The following ZNF710 variants were observed in gnomAD, a reference collection of about 807,000 sequenced individuals.
ZNF710 encodes zinc finger protein 710.
Under a neutral mutation model 50.6 loss-of-function variants are expected in ZNF710, and 13 were observed. The ratio of observed to expected loss-of-function variants is 0.26; its 90% confidence interval spans 0.17 to 0.41. The LOEUF (loss-of-function observed/expected upper bound fraction) is 0.41, where lower values mean the gene tolerates loss of function less well. Among genes scored for constraint, ZNF710 ranks in the 10% least tolerant of loss-of-function variants. The pLI is 1.00. For synonymous variants in ZNF710, 383 were observed against 397.0 expected (o/e 0.96, Z 0.42); for missense variants, 721 against 936.6 (o/e 0.77, Z 3.01).
intron 1 of ZNF710, among the ~76,000 whole-genome samples, chr15:90,012,475 T>C (rs1254553118): frequency 6.6e-6 from 1 of 151,930 alleles, no homozygotes; most frequent in Admixed American, 6.6e-5. Context: ...TTTCACCGTG[T>C]TAGCCAGGAT....
At chr15:90,032,848 G>A (rs1216937371) in intron 1 of ZNF710, among the ~76,000 whole-genome samples, 1 of 151,374 alleles carries the variant, frequency 6.6e-6, no homozygotes, top group East Asian at 1.9e-4. Context: ...AAAGCAAGAG[G>A]ATTCCTTGAG....
intron 1 of ZNF710, among the ~76,000 whole-genome samples, chr15:90,045,807 G>T (rs1899441769): frequency 6.6e-6 from 1 of 152,296 alleles, no homozygotes; most frequent in Non-Finnish European, 1.5e-5. Context: ...GCGGGCTGTG[G>T]TGCATGAAAG....
chr15:90,046,865 C>A (rs1210329041), intron 1 of ZNF710, among the ~76,000 whole-genome samples: 1 of 152,070 alleles, frequency 6.6e-6, no homozygotes, highest in Non-Finnish European at 1.5e-5. Flanking sequence ...GATTTATGCT[C>A]CAGGAAAGGG....
intron 3 of ZNF710, among the ~76,000 whole-genome samples, chr15:90,073,826 TA>T (rs1023897508): frequency 6.6e-6 from 1 of 151,688 alleles, no homozygotes; most frequent in African/African-American, 2.4e-5. Context: ...CCTTCTCTAC[TA>T]AACATACAAA....
chr15:90,050,054 C>T (rs1377805074), intron 1 of ZNF710, among the ~76,000 whole-genome samples: 2 of 152,216 alleles, frequency 1.3e-5, no homozygotes, highest in Admixed American at 6.5e-5. Flanking sequence ...TGTGGACGGC[C>T]GCATGTGTCT....
Position 90,067,333 on chromosome 15 carries a change from G to A in ZNF710, c.196G>A (p.Val66Ile), listed in dbSNP as rs368259764. The change falls in exon 2 of 5, where the codon GTC becomes ATC. Residue 66 changes from valine to isoleucine, a missense_variant. By Grantham distance (29) the Val-to-Ile change is conservative. Around this residue, in one of 3 missense-constraint regions of ZNF710, gnomAD observed 326 missense variants for 347.1 expected, o/e 0.94. Coordinates refer to ENST00000268154, the MANE Select transcript of ZNF710 (RefSeq NM_198526.4). This position sits in a 1 kb window ranked among gnomAD's most constrained non-coding sequence, Gnocchi z 8.1. ...AGAGCCCGAGCCACCAGGCCCCGACGTCTACCAGCTGGCCTGCAACGGGAG... is the reference window on the plus strand; with the variant it reads ...AGAGCCCGAGCCACCAGGCCCCGACATCTACCAGCTGGCCTGCAACGGGAG... ...MGEPEPPGPDVYQLACNGRAL... is the reference protein window; with the variant it reads ...MGEPEPPGPDIYQLACNGRAL... 20 of 1,603,508 alleles carry A rather than the reference G, an allele frequency of 1.2e-5. No individual in the cohort carries two copies. The highest frequency in any genetic ancestry group is 6.7e-5 in the African/African-American group (5 of 74,848).
chr15:90,043,191 G>A (rs983548888), intron 1 of ZNF710, among the ~76,000 whole-genome samples: 9 of 152,248 alleles, frequency 5.9e-5, no homozygotes, highest in Admixed American at 1.3e-4. Flanking sequence ...GAGTTGCCAC[G>A]GCTTTCACCT....
At chr15:90,048,417 G>A (rs186370687) in intron 1 of ZNF710, among the ~76,000 whole-genome samples, 14 of 152,376 alleles carry the variant, frequency 9.2e-5, no homozygotes, top group African/African-American at 3.4e-4. Flanking sequence ...CCAGGACGAA[G>A]CCCTGGCATC....
chr15:90,053,388 A>C, intron 1 of ZNF710, among the ~76,000 whole-genome samples: 2 of 145,216 alleles, frequency 1.4e-5, no homozygotes, highest in African/African-American at 5.3e-5. Context: ...TCACTCTGTC[A>C]CCCGGGCTGG....
intron 1 of ZNF710, among the ~76,000 whole-genome samples, chr15:90,017,179 T>A (rs1255493958): frequency 6.6e-6 from 1 of 152,208 alleles, no homozygotes; most frequent in African/African-American, 2.4e-5. Context: ...AATAACTTTT[T>A]AAAAATATTT....
intron 1 of ZNF710, among the ~76,000 whole-genome samples, chr15:90,047,590 CTTTT>C (rs11452913): frequency 7.1e-6 from 1 of 140,904 alleles, no homozygotes. Context: ...TTTCTTTTTT[CTTTT>C]TTTTTTTTTG....
intron 1 of ZNF710, among the ~76,000 whole-genome samples, chr15:90,021,159 C>T (rs770264569): frequency 6.6e-6 from 1 of 152,214 alleles, no homozygotes; most frequent in Non-Finnish European, 1.5e-5. Context: ...CTCTCAACTG[C>T]GTCCTTTGTT....
At position 90,080,183 on chromosome 15, in the gene ZNF710, C is replaced by T. The variant is rs150006647; in HGVS notation, c.*354C>T. The T allele has an allele frequency of 2.7e-3, 521 of 196,236 alleles. 4 individuals are homozygous for T. The highest frequency in any genetic ancestry group is 0.011 in the African/African-American group (475 of 42,590). The allele number at this position is 196,236 out of a possible 1,614,324, so 12.2% of individuals were successfully genotyped here. ...GGGTCTCTCCAGGCCCAGCAGAGCT[C>T]TTCAGGGGTCCTGACACTGGAAGAA... On this transcript the variant is annotated 3_prime_UTR_variant, in exon 5 of 5. Coordinates refer to ENST00000268154, the MANE Select transcript of ZNF710 (RefSeq NM_198526.4).
At position 90,079,858 on chromosome 15, in the gene ZNF710, CG is replaced by C; in HGVS notation, c.*34del. 2 of 1,563,384 alleles carry C rather than the reference CG, an allele frequency of 1.3e-6. No individual in the cohort carries two copies. The highest frequency in any genetic ancestry group is 1.2e-5 in the South Asian group (1 of 82,922). ...AAGCTGGGCCACCCCTAACGGGGGCCGGGGGCGAGGGCATGGGGGTGAGACC... is the reference window on the plus strand; with the variant it reads ...AAGCTGGGCCACCCCTAACGGGGGCCGGGGCGAGGGCATGGGGGTGAGACC... On this transcript the variant is annotated 3_prime_UTR_variant, in exon 5 of 5. Transcript: ENST00000268154.
intron 1 of ZNF710, among the ~76,000 whole-genome samples, chr15:90,022,242 G>A (rs1183226663): frequency 6.6e-6 from 1 of 151,726 alleles, no homozygotes; most frequent in East Asian, 1.9e-4. Context: ...CGGGTGTGGT[G>A]GTGCATGCCT....
At position 90,034,309 on chromosome 15, in the gene ZNF710, A is replaced by G. The variant is rs1294552056; in HGVS notation, c.-29+32695A>G. Among the ~76,000 whole-genome samples the G allele has an allele frequency of 6.6e-6, 1 of 152,108 alleles. No individual in the cohort carries two copies. Among genetic ancestry groups the G allele is most frequent in the Non-Finnish European group, 1.5e-5 (1 of 68,010 alleles). On this transcript the variant is annotated intron_variant, in intron 1 of 4. Coordinates refer to ENST00000268154, the MANE Select transcript of ZNF710 (RefSeq NM_198526.4). This position sits in a 1 kb window ranked among gnomAD's most constrained non-coding sequence, Gnocchi z 4.0. ...ATATCACATGCAAGAGGCTCTACAC[A>G]TGGTCTGCACTCAGGAAAGGGAGGA... is the stretch of plus-strand genomic sequence containing the variant.
intron 1 of ZNF710, among the ~76,000 whole-genome samples, chr15:90,003,837 C>T (rs1051156923): frequency 2.0e-5 from 3 of 152,144 alleles, no homozygotes; most frequent in Admixed American, 2.0e-4. Context: ...AGAGAGGTGC[C>T]CACCTGGTGC....
chr15:90,065,052 G>A (rs1051348911), intron 1 of ZNF710, among the ~76,000 whole-genome samples: 2 of 152,080 alleles, frequency 1.3e-5, no homozygotes, highest in Admixed American at 6.6e-5. Flanking sequence ...TAGCCCCTGC[G>A]GCCTATTCCA....
chr15:90,018,295 A>T (rs2080824030), intron 1 of ZNF710, among the ~76,000 whole-genome samples: 1 of 151,262 alleles, frequency 6.6e-6, no homozygotes, highest in South Asian at 2.1e-4. Flanking sequence ...CAGCTTCCTG[A>T]ATAGCTGGGA....
Sources: allele counts gnomAD v4.1 joint callset (sites outside exome capture counted in the v4.1 genomes callset), GRCh38; gene constraint gnomAD v4.1.1; regional missense constraint gnomAD v4.1.1; non-coding constraint Gnocchi (gnomAD v3.1); transcripts MANE v1.5; gene names NCBI Gene and HGNC (gene_info 2026-07-23, HGNC 2026-07-21).